The following PPP2R3B variants were observed in gnomAD, a reference collection of about 807,000 sequenced individuals.
PPP2R3B encodes protein phosphatase 2 regulatory subunit B''beta.
PPP2R3B carries 68 observed loss-of-function variants against 72.9 expected under a neutral mutation model. That is an observed-to-expected ratio of 0.93 (90% CI 0.77 to 1.14). PPP2R3B has a LOEUF of 1.14. Ranked by LOEUF, PPP2R3B falls within the 50% of genes most tolerant of loss-of-function variation. The pLI, the probability that PPP2R3B is intolerant of heterozygous loss-of-function variation, is 0.00. For missense variants in PPP2R3B, 1,018 were observed against 842.0 expected, an observed-to-expected ratio of 1.21 and a Z score of -2.59; for synonymous variants, 466 against 375.8, an observed-to-expected ratio of 1.24 and a Z score of -2.78.
Position 345,629 on chromosome X carries a change from G to T in PPP2R3B, c.923C>A (p.Thr308Asn), listed in dbSNP as rs780370203. The change falls in exon 7 of 13, where the codon ACC becomes AAC. Residue 308 changes from threonine to asparagine, a missense_variant. By Grantham distance (65) the Thr-to-Asn change is moderately conservative. Transcript: ENST00000390665. The stretch of plus-strand genomic sequence containing the variant: ...GAAATGCTCGTACGAGAAGAATTCG[G>T]TCAGCTGGTTGATGTCCGCCTCCTC... ...LEEEADINQLTEFFSYEHFYV... is the reference protein window; with the variant it reads ...LEEEADINQLNEFFSYEHFYV... 6.2e-7 allele frequency: 1 copy of T among 1,613,176 alleles called. No homozygotes were observed.
At chrX:337,964 G>A (rs1402254383) in intron 12 of PPP2R3B, 1 of 155,958 alleles carries the variant, frequency 6.4e-6, no homozygotes, top group Non-Finnish European at 1.4e-5. Context: ...AATCTTCGTG[G>A]CTTTGGATTC....
At chrX:378,450 C>T (rs2072046272) in intron 1 of PPP2R3B, among the ~76,000 whole-genome samples, 1 of 152,202 alleles carries the variant, frequency 6.6e-6, no homozygotes, top group Non-Finnish European at 1.5e-5. Context: ...CGAAGGCGAC[C>T]TGCCCTTTGT....
In PPP2R3B at chrX:347,941, C is replaced by A. The variant is rs2071257990; in HGVS notation, c.511-248G>T. The A allele has an allele frequency of 6.5e-6, 3 of 459,386 alleles. No homozygotes were observed. In the Admixed American group the frequency reaches 1.2e-4, roughly 18 times the overall value. 28.5% of individuals were successfully genotyped at this position (459,386 alleles called of 1,614,324 possible). ...CCCCTGACCACAGACCACGCGTGGG[C>A]ACTGTAACCAGAGGCGGCTGCATCC... On this transcript the variant is annotated intron_variant, in intron 2 of 12. Transcript: ENST00000390665.
At position 347,297 on chromosome X, in the gene PPP2R3B, G is replaced by T. The variant is rs938523199; in HGVS notation, c.654C>A (p.Val218=). Residue 218 remains valine, a synonymous_variant, in exon 4 of 13, where the codon GTC becomes GTA. Transcript: ENST00000390665. ...TGCAGCCGGGGCTCATGAGCAGATG[G>T]ACGAACTTGGCCGCGTCGTCGTGGC... ...QNCHDDAAKF[V]HLLMSPGCNY... is the part of the protein sequence containing the mutation. 2 of 1,613,826 alleles carry T rather than the reference G, an allele frequency of 1.2e-6. No individual in the cohort carries two copies. The highest frequency in any genetic ancestry group is 1.7e-6 in the Non-Finnish European group (2 of 1,179,786).
rs190579551 is a variant in PPP2R3B at position 364,328 on chromosome X, G to C, written c.325-2738C>G. ...CCCCCGAGAACTGACGGCTACAGCC[G>C]ACTCTCCTGCAGGTTTGCAAACCAA... On this transcript the variant is annotated intron_variant, in intron 1 of 12. Coordinates refer to ENST00000390665, the MANE Select transcript of PPP2R3B (RefSeq NM_013239.5). 6.6e-5 allele frequency among the ~76,000 whole-genome samples: 10 copies of C among 152,032 alleles called. No individual in the cohort carries two copies. The South Asian group carries it at 2.1e-3, about 32-fold the overall frequency.
chrX:353,738 G>A (rs1196169168), intron 2 of PPP2R3B, among the ~76,000 whole-genome samples: 2 of 151,918 alleles, frequency 1.3e-5, no homozygotes, highest in African/African-American at 2.4e-5. Context: ...ACCAGGGACC[G>A]GGGGCTGGGG....
At chrX:370,682 C>T (rs1413235141) in intron 1 of PPP2R3B, among the ~76,000 whole-genome samples, 1 of 152,196 alleles carries the variant, frequency 6.6e-6, no homozygotes, top group African/African-American at 2.4e-5. Context: ...CTTCTCCCTG[C>T]CACTGCCCAG....
At chrX:345,084 T>A (rs771085785) in intron 7 of PPP2R3B, 1 of 451,516 alleles carries the variant, frequency 2.2e-6, no homozygotes, top group African/African-American at 2.0e-5. Flanking sequence ...CGGAGGTATA[T>A]GAACGACCGC....
chrX:375,429 G>A (rs111777040), intron 1 of PPP2R3B, among the ~76,000 whole-genome samples: 21 of 144,582 alleles, frequency 1.5e-4, no homozygotes, highest in East Asian at 8.0e-4. Flanking sequence ...AACTCACAGG[G>A]CAGAGGTGCC....
chrX:383,582 A>G (rs1028034091), intron 1 of PPP2R3B, among the ~76,000 whole-genome samples: 2 of 152,094 alleles, frequency 1.3e-5, no homozygotes, highest in African/African-American at 4.8e-5. Flanking sequence ...TCACACCTGT[A>G]ATCCCAAAAC....
intron 2 of PPP2R3B, among the ~76,000 whole-genome samples, chrX:349,665 A>T (rs1296251310): frequency 1.3e-5 from 2 of 152,360 alleles, no homozygotes; most frequent in African/African-American, 4.8e-5. Flanking sequence ...AAGTTGCTGG[A>T]TCCAAGGACT....
At chrX:361,121 C>G (rs1292691903) in intron 2 of PPP2R3B, among the ~76,000 whole-genome samples, 1 of 152,178 alleles carries the variant, frequency 6.6e-6, no homozygotes, top group African/African-American at 2.4e-5. Flanking sequence ...ACAGGGCGGG[C>G]CTGCGCTCTT....
chrX:381,026 C>T (rs2124415789), intron 1 of PPP2R3B, among the ~76,000 whole-genome samples: 1 of 151,820 alleles, frequency 6.6e-6, no homozygotes, highest in South Asian at 2.1e-4. Flanking sequence ...GCCTCGAACT[C>T]CTGGGATCTT....
At chrX:347,507 A>G (rs1796137998) in intron 3 of PPP2R3B, 83 bp downstream of exon 3, 1 of 1,446,110 alleles carries the variant, frequency 6.9e-7, no homozygotes, top group Non-Finnish European at 9.5e-7. Context: ...CGGCAGCCTC[A>G]GGGGGCACCC....
intron 9 of PPP2R3B, 28 bp downstream of exon 9, chrX:341,279 A>T: frequency 6.2e-7 from 1 of 1,607,986 alleles, no homozygotes; most frequent in Non-Finnish European, 8.5e-7. Flanking sequence ...CTCCACTGGG[A>T]CAAACGCATG....
intron 7 of PPP2R3B, chrX:342,243 G>T (rs2071096452): frequency 9.2e-6 from 5 of 541,906 alleles, no homozygotes; most frequent in African/African-American, 5.7e-5. Context: ...GAGACCTCGA[G>T]TGTGATCACG....
At chrX:350,375 A>G (rs2071304321) in intron 2 of PPP2R3B, among the ~76,000 whole-genome samples, 1 of 152,128 alleles carries the variant, frequency 6.6e-6, no homozygotes, top group African/African-American at 2.4e-5. Flanking sequence ...GAAGGAAGGG[A>G]GCACCGCTGC....
intron 7 of PPP2R3B, 109 bp from the exon 8 acceptor site, chrX:342,040 G>A (rs1233150892): frequency 3.1e-5 from 44 of 1,405,370 alleles, no homozygotes; most frequent in Non-Finnish European, 4.1e-5. Context: ...CTGAGAGGAC[G>A]CCTGGGTCTG....
At chrX:345,370 GAC>G (rs1353791860) in intron 7 of PPP2R3B, 144 bp downstream of exon 7, 4 of 1,144,254 alleles carry the variant, frequency 3.5e-6, no homozygotes, top group East Asian at 5.1e-5. Flanking sequence ...GGCAGCTGCA[GAC>G]ACAGAGCGGC....
Sources: allele counts gnomAD v4.1 joint callset (sites outside exome capture counted in the v4.1 genomes callset), GRCh38; gene constraint gnomAD v4.1.1; transcripts MANE v1.5; gene names NCBI Gene and HGNC (gene_info 2026-07-23, HGNC 2026-07-21).